Variants in ARHGEF3 observed in about 807,000 individuals in gnomAD.
ARHGEF3 encodes 59.8 kDA protein.
A neutral mutation model predicts 63.2 loss-of-function variants in ARHGEF3; 28 were observed. The ratio of observed to expected loss-of-function variants is 0.44; its 90% CI spans 0.33 to 0.61. The LOEUF (loss-of-function observed/expected upper bound fraction) is 0.61, where lower values mean the gene tolerates loss of function less well. Among genes scored for constraint, ARHGEF3 ranks in the 20% least tolerant of loss-of-function variants. The probability of loss-of-function intolerance (pLI) is 0.03; values close to 1 mark genes in which losing one functional copy is unlikely to be tolerated. For missense variants in ARHGEF3, 533 were observed against 659.3 expected (o/e 0.81, Z 2.10); for synonymous variants, 266 against 254.2 (o/e 1.05, Z -0.44).
chr3:56,937,711 G>A (rs186757983), intron 3 of ARHGEF3, among the ~76,000 whole-genome samples: 1 of 152,096 alleles, frequency 6.6e-6, no homozygotes, highest in Non-Finnish European at 1.5e-5. Context: ...TTGTTTTTAG[G>A]GGGTAGGCTG....
rs2036244103 is a variant in ARHGEF3, at chr3:56,775,561, C to T, written c.97-1745G>A. ...GAAAACTCTCAGAACACTAGGAAGG[C>T]TCAGTTCCAAAATGCAGAGGATGAA... On this transcript the variant is annotated intron_variant, in intron 1 of 9. Transcript: ENST00000296315. The T allele has an allele frequency of 1.1e-5, 11 of 985,896 alleles. No homozygotes were observed. The South Asian group carries it at 5.2e-4, about 46-fold the overall frequency. The allele number at this position is 985,896 out of a possible 1,614,324, so 61.1% of individuals were successfully genotyped here.
In ARHGEF3 at chr3:56,977,823, C is replaced by T. The variant is rs542610433; in HGVS notation, c.63-18934G>A. Among the ~76,000 whole-genome samples, 101 of 152,240 alleles carry T rather than the reference C, an allele frequency of 6.6e-4. 1 individual carries two copies. The highest frequency in any genetic ancestry group is 2.4e-3 in the African/African-American group (101 of 41,538). On this transcript the variant is annotated intron_variant, in intron 2 of 12. Coordinates refer to the ARHGEF3 transcript ENST00000338458. Reference sequence around the variant, plus strand: ...AATAGGAATAATATTAGGTTTTACACCTCACAGAGCTGTTGTGAGGTTTAA... The same window carrying T: ...AATAGGAATAATATTAGGTTTTACATCTCACAGAGCTGTTGTGAGGTTTAA...
intron 1 of ARHGEF3, among the ~76,000 whole-genome samples, chr3:57,045,903 G>T (rs959678109): frequency 5.3e-5 from 8 of 152,332 alleles, no homozygotes; most frequent in Middle Eastern, 3.4e-3. Context: ...GAGCTTCATA[G>T]AATCAACACA....
intron 3 of ARHGEF3, among the ~76,000 whole-genome samples, chr3:56,924,103 G>T (rs889977751): frequency 4.6e-5 from 7 of 152,168 alleles, no homozygotes; most frequent in Non-Finnish European, 8.8e-5. Flanking sequence ...GTAACAAGAA[G>T]CAATTATAAG....
chr3:56,796,317 A>G (rs1419183627), intron 1 of ARHGEF3, among the ~76,000 whole-genome samples: 4 of 152,170 alleles, frequency 2.6e-5, no homozygotes, highest in African/African-American at 9.7e-5. Flanking sequence ...AAATGACACA[A>G]TTTGCAAATA....
intron 4 of ARHGEF3, among the ~76,000 whole-genome samples, chr3:56,814,108 C>G (rs1159269690): frequency 6.6e-6 from 1 of 152,226 alleles, no homozygotes; most frequent in East Asian, 1.9e-4. Context: ...CCCTCCCACT[C>G]TGCCTTTACA....
chr3:56,845,640 T>C (rs907470962), intron 4 of ARHGEF3, among the ~76,000 whole-genome samples: 7 of 152,324 alleles, frequency 4.6e-5, no homozygotes, highest in African/African-American at 1.4e-4. Context: ...CCCTGGGAGA[T>C]TTCCCTGACT....
intron 2 of ARHGEF3, among the ~76,000 whole-genome samples, chr3:57,031,518 T>C (rs529666807): frequency 1.3e-5 from 2 of 152,278 alleles, no homozygotes; most frequent in East Asian, 3.9e-4. Flanking sequence ...CATAGATTCA[T>C]GGGTTTCCAC....
At position 56,737,250 on chromosome 3, in the gene ARHGEF3, C is replaced by T. The variant is rs1239180059; in HGVS notation, c.976G>A (p.Asp326Asn). The T allele has an allele frequency of 1.2e-6, 2 of 1,613,974 alleles. No homozygotes were observed. The highest frequency in any genetic ancestry group is 1.7e-6 in the Non-Finnish European group (2 of 1,179,980). ...ACTCGAGAGCTGTCGATCAGGGAGT[C>T]TTTCTGGCCTTCTTCCAAGTAAAGA... ...RLLYLEEGQK[D>N]SLIDSSRVLC... The change falls in exon 8 of 10, where the codon GAC becomes AAC. Residue 326 changes from aspartate (D) to asparagine (N), a missense_variant. By Grantham distance (23) the Asp-to-Asn change is conservative. Coordinates refer to ENST00000296315, the MANE Select transcript of ARHGEF3 (RefSeq NM_019555.3).
chr3:56,992,894 C>A (rs1443006601), intron 2 of ARHGEF3, among the ~76,000 whole-genome samples: 1 of 152,056 alleles, frequency 6.6e-6, no homozygotes, highest in Non-Finnish European at 1.5e-5. Flanking sequence ...AGTGCAGTGG[C>A]GCTATCTCGG....
At chr3:56,856,170 G>GC (rs1559995961) in intron 4 of ARHGEF3, among the ~76,000 whole-genome samples, 1 of 152,074 alleles carries the variant, frequency 6.6e-6, no homozygotes, top group East Asian at 1.9e-4. Context: ...GGGGGGTGTC[G>GC]CCATCAGAAG....
chr3:57,028,742 T>C (rs1406993336), intron 2 of ARHGEF3, among the ~76,000 whole-genome samples: 1 of 114,700 alleles, frequency 8.7e-6, no homozygotes. Context: ...TTTTTCCTCA[T>C]CTGTAAAACG....
At chr3:56,982,773 T>G (rs2106909660) in intron 2 of ARHGEF3, among the ~76,000 whole-genome samples, 1 of 152,188 alleles carries the variant, frequency 6.6e-6, no homozygotes, top group East Asian at 1.9e-4. Flanking sequence ...GCTGCCTTGG[T>G]CAGCAGCCCT....
intron 2 of ARHGEF3, among the ~76,000 whole-genome samples, chr3:57,022,381 G>A (rs1414010331): frequency 6.6e-6 from 1 of 151,336 alleles, no homozygotes; most frequent in African/African-American, 2.4e-5. Flanking sequence ...TGATCCACAC[G>A]TGTGACCATC....
At chr3:56,880,398 T>C (rs1170349634) in intron 4 of ARHGEF3, among the ~76,000 whole-genome samples, 1 of 152,208 alleles carries the variant, frequency 6.6e-6, no homozygotes, top group Non-Finnish European at 1.5e-5. Flanking sequence ...GTCAAGGCCA[T>C]TGATGACAAA....
At chr3:56,975,549 G>A (rs1701093480) in intron 2 of ARHGEF3, among the ~76,000 whole-genome samples, 1 of 152,188 alleles carries the variant, frequency 6.6e-6, no homozygotes, top group Non-Finnish European at 1.5e-5. Flanking sequence ...ACTTTTATGA[G>A]TAGATATATT....
chr3:57,028,572 T>C (rs1388988325), intron 2 of ARHGEF3, among the ~76,000 whole-genome samples: 1 of 112,602 alleles, frequency 8.9e-6, no homozygotes, highest in African/African-American at 3.4e-5. Context: ...GGGATAGCAT[T>C]GGGAGATATA....
At chr3:57,000,514 T>G (rs1264852487) in intron 2 of ARHGEF3, among the ~76,000 whole-genome samples, 1 of 145,632 alleles carries the variant, frequency 6.9e-6, no homozygotes, top group Non-Finnish European at 1.5e-5. Context: ...ATTATTATTA[T>G]TATTACTACT....
chr3:56,969,859 C>A (rs1039712981), intron 2 of ARHGEF3, among the ~76,000 whole-genome samples: 3 of 151,520 alleles, frequency 2.0e-5, no homozygotes, highest in Non-Finnish European at 4.4e-5. Context: ...ATTATTCAAC[C>A]ATTAAAAAAA....
Sources: allele counts gnomAD v4.1 joint callset (sites outside exome capture counted in the v4.1 genomes callset), GRCh38; gene constraint gnomAD v4.1.1; transcripts MANE v1.5; gene names NCBI Gene and HGNC (gene_info 2026-07-23, HGNC 2026-07-21).